GALNT13: variants seen among roughly 807,000 people sequenced by gnomAD.
The protein encoded by GALNT13 is UDP-GalNAc:polypeptide N-acetylgalactosaminyltransferase 13.
Under a neutral mutation model 64.2 loss-of-function variants are expected in GALNT13, and 28 were observed. The observed-to-expected ratio is 0.44, with a 90% CI of 0.32 to 0.60. The LOEUF (loss-of-function observed/expected upper bound fraction) is 0.60, where lower values mean the gene tolerates loss of function less well. Ranked by LOEUF, GALNT13 falls within the 20% of genes least tolerant of loss-of-function variation. The probability of loss-of-function intolerance (pLI) is 0.05; values close to 1 mark genes in which losing one functional copy is unlikely to be tolerated. For synonymous variants in GALNT13, 214 were observed against 224.6 expected (o/e 0.95, Z 0.42); for missense variants, 577 against 669.8 (o/e 0.86, Z 1.53).
At chr2:153,665,401 A>G in the GALNT13 span, among the ~76,000 whole-genome samples, 1 of 152,194 alleles carries the variant, frequency 6.6e-6, no homozygotes, top group Non-Finnish European at 1.5e-5. Flanking sequence ...ATAATAGCAG[A>G]AACAAGAGTC....
the GALNT13 span, among the ~76,000 whole-genome samples, chr2:153,627,196 G>A: frequency 6.6e-6 from 1 of 151,898 alleles, no homozygotes; most frequent in South Asian, 2.1e-4. Context: ...TGAAAAGATG[G>A]AAAAAGCCTT....
intron 9 of GALNT13, among the ~76,000 whole-genome samples, chr2:154,360,123 T>C (rs1418984720): frequency 6.6e-6 from 1 of 152,172 alleles, no homozygotes; most frequent in Non-Finnish European, 1.5e-5. Flanking sequence ...AGTTATACAG[T>C]ATTACACTGA....
chr2:154,006,060 G>GTT (rs1696228485), intron 3 of GALNT13, among the ~76,000 whole-genome samples: 1 of 152,174 alleles, frequency 6.6e-6, no homozygotes, highest in South Asian at 2.1e-4. Context: ...CACATATTTG[G>GTT]ATGTTAATGA....
At chr2:153,376,881 T>C in the GALNT13 span, among the ~76,000 whole-genome samples, 1 of 152,218 alleles carries the variant, frequency 6.6e-6, no homozygotes, top group Non-Finnish European at 1.5e-5. Flanking sequence ...TGCCCTGCTG[T>C]AGCAATTGAC....
chr2:153,205,361 T>C, the GALNT13 span, among the ~76,000 whole-genome samples: 1 of 152,054 alleles, frequency 6.6e-6, no homozygotes, highest in Non-Finnish European at 1.5e-5. Context: ...GTCACTTCCG[T>C]CTTCTCAACT....
the GALNT13 span, among the ~76,000 whole-genome samples, chr2:153,552,661 G>C: frequency 6.7e-6 from 1 of 150,256 alleles, no homozygotes; most frequent in African/African-American, 2.5e-5. Context: ...GGATGTGTTG[G>C]CAGTTGATAA....
chr2:153,652,562 C>G, the GALNT13 span, among the ~76,000 whole-genome samples: 2 of 152,072 alleles, frequency 1.3e-5, no homozygotes, highest in Non-Finnish European at 2.9e-5. Context: ...TTGCAGTGAG[C>G]TGAAATTGCG....
the GALNT13 span, among the ~76,000 whole-genome samples, chr2:153,816,179 G>A: frequency 6.6e-6 from 1 of 152,188 alleles, no homozygotes. Context: ...GCTAGGAAAA[G>A]TGAATGGGGT....
the GALNT13 span, among the ~76,000 whole-genome samples, chr2:153,819,333 A>G: frequency 1.4e-4 from 21 of 152,282 alleles, no homozygotes; most frequent in African/African-American, 4.6e-4. Context: ...TGGTCCAGAG[A>G]TATGCTACAA....
chr2:153,727,407 T>C, the GALNT13 span, among the ~76,000 whole-genome samples: 1 of 152,240 alleles, frequency 6.6e-6, no homozygotes, highest in South Asian at 2.1e-4. Context: ...TTTGGTACTT[T>C]TTTTTATTCT....
At chr2:153,472,511 C>A in the GALNT13 span, among the ~76,000 whole-genome samples, 20 of 152,224 alleles carry the variant, frequency 1.3e-4, no homozygotes, top group African/African-American at 4.8e-4. Flanking sequence ...AATGTACCAT[C>A]TATACATGAG....
chr2:153,402,600 C>T, the GALNT13 span, among the ~76,000 whole-genome samples: 3 of 152,066 alleles, frequency 2.0e-5, no homozygotes, highest in African/African-American at 7.2e-5. Flanking sequence ...CACATAGTCC[C>T]ATATTTCTTG....
the GALNT13 span, among the ~76,000 whole-genome samples, chr2:153,485,542 G>A: frequency 1.3e-5 from 2 of 152,136 alleles, no homozygotes; most frequent in African/African-American, 4.8e-5. Flanking sequence ...AAATAATAAT[G>A]CTGACACAAT....
At chr2:153,563,662 C>T in the GALNT13 span, among the ~76,000 whole-genome samples, 46,193 of 151,446 alleles carry the variant, frequency 0.31, 7,323 homozygotes, top group Middle Eastern at 0.43. Flanking sequence ...TGGTACCTCC[C>T]CTCATCTACT....
intron 9 of GALNT13, among the ~76,000 whole-genome samples, chr2:154,311,115 C>G (rs1350105639): frequency 6.6e-6 from 1 of 151,980 alleles, no homozygotes; most frequent in Non-Finnish European, 1.5e-5. Flanking sequence ...TTATCACTCT[C>G]ACCAACAATG....
chr2:153,404,823 C>G, the GALNT13 span, among the ~76,000 whole-genome samples: 3 of 152,100 alleles, frequency 2.0e-5, no homozygotes, highest in Non-Finnish European at 2.9e-5. Context: ...ATTCAACATT[C>G]TAGTCTATAG....
the GALNT13 span, among the ~76,000 whole-genome samples, chr2:153,618,605 C>T: frequency 1.9e-3 from 291 of 151,864 alleles, 2 homozygotes; most frequent in African/African-American, 6.7e-3. Flanking sequence ...ATCTGTCCAA[C>T]ACTGAAATTG....
chr2:154,364,387 G>A (rs567834197), intron 9 of GALNT13, among the ~76,000 whole-genome samples: 42 of 152,244 alleles, frequency 2.8e-4, no homozygotes, highest in African/African-American at 9.6e-4. Context: ...AAAATCTGAT[G>A]ATTACGGAAG....
intron 3 of GALNT13, among the ~76,000 whole-genome samples, chr2:154,133,532 TTTTATATATATATATA>T (rs1428350390): frequency 9.6e-6 from 1 of 103,908 alleles, no homozygotes; most frequent in South Asian, 3.5e-4. Flanking sequence ...TAACAGACCA[TTTTATATATATATATA>T]TATATATATA....
Sources: gnomAD v4.1 joint callset for allele counts (sites outside exome capture counted in the v4.1 genomes callset) on GRCh38, gnomAD v4.1.1 for gene constraint, MANE v1.5 for transcripts, NCBI Gene and HGNC (gene_info 2026-07-23, HGNC 2026-07-21) for gene names.